Variants in ITSN2 observed in about 807,000 individuals in gnomAD.
ITSN2 encodes the protein intersectin-2.
Under a neutral mutation model 243.7 loss-of-function variants are expected in ITSN2, and 156 were observed. That is an observed-to-expected ratio of 0.64 (90% CI 0.56 to 0.73). ITSN2 has a LOEUF of 0.73. Among genes scored for constraint, ITSN2 ranks in the 30% least tolerant of loss-of-function variants. ITSN2 has a pLI of 0.00. For missense variants in ITSN2, 1,801 were observed against 1,996.1 expected (o/e 0.90, Z 1.86); for synonymous variants, 703 against 699.9 (o/e 1.00, Z -0.07).
intron 29 of ITSN2, among the ~76,000 whole-genome samples, chr2:24,238,208 G>C (rs1162472212): frequency 1.3e-5 from 2 of 152,140 alleles, no homozygotes; most frequent in Non-Finnish European, 2.9e-5. Context: ...TGAATATGCT[G>C]TTTTATAATT....
chr2:24,216,739 A>G (rs1669989909), intron 31 of ITSN2, among the ~76,000 whole-genome samples: 1 of 152,152 alleles, frequency 6.6e-6, no homozygotes, highest in Admixed American at 6.5e-5. Flanking sequence ...CTTGGGTGAC[A>G]GAGTGAGACC....
chr2:24,258,539 C>G (rs1177260802), intron 22 of ITSN2, among the ~76,000 whole-genome samples: 1 of 152,122 alleles, frequency 6.6e-6, no homozygotes, highest in African/African-American at 2.4e-5. Flanking sequence ...CTATTCTATT[C>G]TATTCATTCT....
intron 2 of ITSN2, among the ~76,000 whole-genome samples, chr2:24,320,809 G>T (rs1684485543): frequency 6.6e-6 from 1 of 151,938 alleles, no homozygotes. Context: ...AGACACTGAT[G>T]ATTTATAGGA....
chr2:24,325,919 G>A (rs1400697913), intron 2 of ITSN2, among the ~76,000 whole-genome samples: 4 of 151,664 alleles, frequency 2.6e-5, no homozygotes, highest in Admixed American at 6.6e-5. Flanking sequence ...ACACACACAC[G>A]TATATACATA....
intron 28 of ITSN2, 21 bp downstream of exon 28, chr2:24,246,776 C>A (rs1280415512): frequency 7.0e-7 from 1 of 1,433,160 alleles, no homozygotes; most frequent in East Asian, 2.3e-5. Flanking sequence ...AAATGAAATA[C>A]AAATTAACCC....
intron 1 of ITSN2, among the ~76,000 whole-genome samples, chr2:24,350,231 T>TC (rs973448299): frequency 1.8e-4 from 28 of 152,288 alleles, no homozygotes; most frequent in African/African-American, 6.5e-4. Context: ...AAGCTTCTGA[T>TC]CTAGTGAGTG....
At chr2:24,215,568 G>A (rs1027951173) in intron 32 of ITSN2, among the ~76,000 whole-genome samples, 2 of 151,444 alleles carry the variant, frequency 1.3e-5, no homozygotes, top group Admixed American at 1.3e-4. Flanking sequence ...TTTGGAGGCT[G>A]AGGTAGGAGA....
At chr2:24,226,972 CA>C in intron 29 of ITSN2, among the ~76,000 whole-genome samples, 1 of 151,940 alleles carries the variant, frequency 6.6e-6, no homozygotes, top group Non-Finnish European at 1.5e-5. Flanking sequence ...AAAAATTAGC[CA>C]GGGGTGGTGG....
In ITSN2 at chr2:24,302,079, T is replaced by C; in HGVS notation, c.881A>G (p.Asp294Gly). The C allele has an allele frequency of 6.2e-7, 1 of 1,610,702 alleles. No homozygotes were observed. The highest frequency in any genetic ancestry group is 8.5e-7 in the Non-Finnish European group (1 of 1,178,130). ...TIWTLADVDGDGQLKAEEFIL... is the reference protein window; with the variant it reads ...TIWTLADVDGGGQLKAEEFIL... The stretch of plus-strand genomic sequence containing the variant: ...AAACTCTTCTGCTTTTAGCTGTCCA[T>C]CACCATCAACGTCAGCCAGAGTCCT... Residue 294 changes from aspartate (D) to glycine (G), a missense_variant, in exon 10 of 40, where the codon GAT becomes GGT. Around this residue, in one of 5 missense-constraint regions of ITSN2, gnomAD observed 787 missense variants for 803.9 expected, o/e 0.98. Coordinates refer to ENST00000355123, the MANE Select transcript of ITSN2 (RefSeq NM_006277.3).
intron 1 of ITSN2, among the ~76,000 whole-genome samples, chr2:24,353,267 TA>T (rs1314539043): frequency 1.3e-5 from 2 of 151,770 alleles, no homozygotes; most frequent in East Asian, 1.9e-4. Flanking sequence ...ACAGAAGAAA[TA>T]AAAGTAGTTA....
At chr2:24,208,624 C>G (rs1199122397) in intron 36 of ITSN2, among the ~76,000 whole-genome samples, 1 of 152,188 alleles carries the variant, frequency 6.6e-6, no homozygotes. Flanking sequence ...CACAGAGGAG[C>G]AGCAGCACCC....
chr2:24,211,728 G>A lies in ITSN2; in HGVS notation c.4090-781C>T, dbSNP rs2151104605. ...AGAGATATATTTACTTACTCTTACA[G>A]TGATTGTTCTTATGTTCCACTGTAG... On this transcript the variant is annotated intron_variant, in intron 33 of 39. Coordinates refer to ENST00000355123, the MANE Select transcript of ITSN2 (RefSeq NM_006277.3). This position sits in a 1 kb window ranked among gnomAD's most constrained non-coding sequence, Gnocchi z 4.1. Among the ~76,000 whole-genome samples the A allele has an allele frequency of 6.6e-6, 1 of 152,320 alleles. No individual in the cohort carries two copies.
At chr2:24,212,230 G>C (rs755638353) in intron 33 of ITSN2, among the ~76,000 whole-genome samples, 1 of 152,144 alleles carries the variant, frequency 6.6e-6, no homozygotes, top group Non-Finnish European at 1.5e-5. Context: ...GGGACATCTA[G>C]GAAAGGTGTT....
chr2:24,322,147 T>C (rs1484939790), intron 2 of ITSN2, among the ~76,000 whole-genome samples: 1 of 152,204 alleles, frequency 6.6e-6, no homozygotes, highest in Non-Finnish European at 1.5e-5. Flanking sequence ...TTGTAAAGAT[T>C]ACATGTAATA....
At chr2:24,283,536 A>ATGTTG (rs1370440457) in intron 17 of ITSN2, among the ~76,000 whole-genome samples, 1 of 152,208 alleles carries the variant, frequency 6.6e-6, no homozygotes, top group Non-Finnish European at 1.5e-5. Flanking sequence ...AATATTTTTT[A>ATGTTG]GCACTATGTT....
Position 24,302,022 on chromosome 2 carries a change from T to C in ITSN2, c.938A>G (p.Lys313Arg), listed in dbSNP as rs1224853328. 3 of 1,613,606 alleles carry C rather than the reference T, an allele frequency of 1.9e-6. No individual in the cohort carries two copies. The highest frequency in any genetic ancestry group is 2.5e-6 in the Non-Finnish European group (3 of 1,179,710). Residue 313 changes from lysine (K) to arginine (R), a missense_variant, in exon 10 of 40, where the codon AAA becomes AGA. Physicochemically the swap from Lys to Arg is conservative, Grantham distance 26. Around this residue, in one of 5 missense-constraint regions of ITSN2, gnomAD observed 787 missense variants for 803.9 expected, o/e 0.98. Transcript: ENST00000355123. ...ILAMHLTDMAKAGQPLPLTLP... is the reference protein window; with the variant it reads ...ILAMHLTDMARAGQPLPLTLP... ...AGTCAGTGGTAATGGCTGTCCAGCTTTGGCCATGTCAGTAAGGTGCATTGC... is the reference window on the plus strand; with the variant it reads ...AGTCAGTGGTAATGGCTGTCCAGCTCTGGCCATGTCAGTAAGGTGCATTGC...
chr2:24,236,097 C>T lies in ITSN2; in HGVS notation c.3577+10032G>A, dbSNP rs551665272. 1.0e-4 allele frequency among the ~76,000 whole-genome samples: 9 copies of T among 90,338 alleles called. No individual in the cohort carries two copies. In the South Asian group the frequency reaches 3.6e-3, roughly 36 times the overall value. 59.3% of individuals were successfully genotyped at this position (90,338 alleles called of 152,430 possible). The stretch of plus-strand genomic sequence containing the variant: ...CAATAGCCAAATGGTTGAAACAACC[C>T]AAATGTCCACTAAATAATGAATGAA... On this transcript the variant is annotated intron_variant, in intron 29 of 39. Transcript: ENST00000355123.
chr2:24,208,015 G>A lies in ITSN2; in HGVS notation c.4678+222C>T, dbSNP rs550900531. On this transcript the variant is annotated intron_variant, in intron 37 of 39. Transcript: ENST00000355123. The stretch of plus-strand genomic sequence containing the variant: ...GGGGGGGATAGAGGTGGTGCAGAGA[G>A]GGAGGTCCCGGAGCTGGCACTGCCA... Among the ~76,000 whole-genome samples, 189 of 152,160 alleles carry A rather than the reference G, an allele frequency of 1.2e-3. 3 individuals are homozygous for A. The highest frequency in any genetic ancestry group is 3.4e-4 in the Non-Finnish European group (23 of 67,982).
In ITSN2 at chr2:24,350,989, T is replaced by C. The variant is rs374934631; in HGVS notation, c.-34+9315A>G. Among the ~76,000 whole-genome samples the C allele has an allele frequency of 1.6e-4, 25 of 152,258 alleles. No homozygotes were observed. The South Asian group carries it at 4.4e-3, about 27-fold the overall frequency. On this transcript the variant is annotated intron_variant, in intron 1 of 39. Transcript: ENST00000355123. ...CACTGAACTGTAAACTTTAAAAGGG[T>C]GAATTTTACAATATGTATCTCAATA...
Sources: gnomAD v4.1 joint callset for allele counts (sites outside exome capture counted in the v4.1 genomes callset) on GRCh38, gnomAD v4.1.1 for gene constraint, gnomAD v4.1.1 regional missense constraint, Gnocchi (gnomAD v3.1) non-coding constraint, MANE v1.5 for transcripts, NCBI Gene and HGNC (gene_info 2026-07-23, HGNC 2026-07-21) for gene names.